PCSK5: variants seen among roughly 807,000 people sequenced by gnomAD.
The protein encoded by PCSK5 is prohormone convertase 5.
In PCSK5, 129 loss-of-function variants were observed where a neutral mutation model predicts 233.2. That is an observed-to-expected ratio of 0.55 (90% CI 0.48 to 0.64). The LOEUF (loss-of-function observed/expected upper bound fraction) is 0.64. Among genes scored for constraint, PCSK5 ranks in the 30% least tolerant of loss-of-function variants. The pLI, the probability that PCSK5 is intolerant of heterozygous loss-of-function variation, is 0.00. For missense variants in PCSK5, 2,076 were observed against 2,430.1 expected, an observed-to-expected ratio of 0.85 and a Z score of 3.06; for synonymous variants, 825 against 879.2, an observed-to-expected ratio of 0.94 and a Z score of 1.09.
intron 20 of PCSK5, among the ~76,000 whole-genome samples, chr9:76,215,988 C>G (rs900808697): frequency 2.6e-5 from 4 of 151,884 alleles, no homozygotes; most frequent in African/African-American, 7.3e-5. Flanking sequence ...AGTCAGACTC[C>G]AAGGGGGAGA....
intron 32 of PCSK5, among the ~76,000 whole-genome samples, chr9:76,323,857 C>T (rs1404559653): frequency 6.6e-6 from 1 of 151,598 alleles, no homozygotes; most frequent in African/African-American, 2.4e-5. Flanking sequence ...CTACCTGAGA[C>T]TTTTCTTGAT....
At chr9:76,231,337 G>T (rs1005762834) in intron 21 of PCSK5, among the ~76,000 whole-genome samples, 1 of 152,030 alleles carries the variant, frequency 6.6e-6, no homozygotes, top group African/African-American at 2.4e-5. Flanking sequence ...CCCACGACTC[G>T]GATCATGAGA....
intron 3 of PCSK5, among the ~76,000 whole-genome samples, chr9:76,006,021 C>T (rs1240599448): frequency 7.0e-6 from 1 of 143,050 alleles, no homozygotes; most frequent in Non-Finnish European, 1.5e-5. Context: ...CCACCACGCC[C>T]TTTTTTTTTT....
At chr9:75,980,385 A>G (rs1826222672) in intron 2 of PCSK5, among the ~76,000 whole-genome samples, 1 of 152,172 alleles carries the variant, frequency 6.6e-6, no homozygotes, top group South Asian at 2.1e-4. Context: ...TGCAGTGTTT[A>G]TTTCACAACT....
intron 10 of PCSK5, among the ~76,000 whole-genome samples, chr9:76,139,346 AAAT>A (rs1823106833): frequency 6.6e-6 from 1 of 152,148 alleles, no homozygotes; most frequent in Non-Finnish European, 1.5e-5. Context: ...TTCACTGTAC[AAAT>A]AATATTCCAT....
chr9:75,991,109 A>G (rs961601505), intron 3 of PCSK5, among the ~76,000 whole-genome samples: 13 of 152,202 alleles, frequency 8.5e-5, no homozygotes, highest in African/African-American at 2.9e-4. Flanking sequence ...AGATGAGGAA[A>G]TGAAAGCAAA....
intron 23 of PCSK5, among the ~76,000 whole-genome samples, chr9:76,239,895 C>T (rs759981096): frequency 2.6e-5 from 4 of 152,068 alleles, no homozygotes; most frequent in Non-Finnish European, 5.9e-5. Context: ...GCCTTGGTGT[C>T]TTCATCTGTC....
At chr9:75,999,188 C>T (rs1054864462) in intron 3 of PCSK5, among the ~76,000 whole-genome samples, 17 of 152,128 alleles carry the variant, frequency 1.1e-4, no homozygotes, top group African/African-American at 4.1e-4. Context: ...TTAGGTGTTT[C>T]TCTTAATGCT....
intron 1 of PCSK5, among the ~76,000 whole-genome samples, chr9:75,897,768 G>A (rs1825873731): frequency 2.0e-5 from 3 of 152,112 alleles, no homozygotes; most frequent in Admixed American, 2.0e-4. Flanking sequence ...GATTACAGGT[G>A]TGAGCCACTG....
At chr9:76,197,520 C>T (rs181761724) in intron 20 of PCSK5, among the ~76,000 whole-genome samples, 5 of 152,154 alleles carry the variant, frequency 3.3e-5, no homozygotes, top group Admixed American at 6.6e-5. Flanking sequence ...AAATACATAA[C>T]ATCTTATCCC....
At chr9:76,251,504 C>T (rs1044478937) in intron 24 of PCSK5, among the ~76,000 whole-genome samples, 2 of 145,460 alleles carry the variant, frequency 1.4e-5, no homozygotes, top group Non-Finnish European at 3.0e-5. Context: ...ACGGAGCTTG[C>T]AGTGAGCCGA....
intron 7 of PCSK5, among the ~76,000 whole-genome samples, chr9:76,073,746 T>C (rs1830554559): frequency 6.6e-6 from 1 of 152,158 alleles, no homozygotes; most frequent in South Asian, 2.1e-4. Context: ...GAATGCCCCA[T>C]ATTCAATAGC....
chr9:75,933,354 G>T (rs1823896710), intron 2 of PCSK5, among the ~76,000 whole-genome samples: 1 of 152,072 alleles, frequency 6.6e-6, no homozygotes, highest in African/African-American at 2.4e-5. Flanking sequence ...TTCCTCTGTG[G>T]GCTCCCTGTG....
intron 27 of PCSK5, among the ~76,000 whole-genome samples, chr9:76,299,495 C>T (rs1193079990): frequency 6.6e-6 from 1 of 152,012 alleles, no homozygotes; most frequent in African/African-American, 2.4e-5. Context: ...ATGGTGAAAC[C>T]TCATCTCTAC....
chr9:76,040,854 A>G (rs186970197), intron 5 of PCSK5, among the ~76,000 whole-genome samples: 8 of 152,356 alleles, frequency 5.3e-5, no homozygotes, highest in Admixed American at 1.3e-4. Flanking sequence ...TACCTAGTAG[A>G]AACATAGCAG....
At chr9:76,177,261 T>C (rs978078727) in intron 14 of PCSK5, among the ~76,000 whole-genome samples, 9 of 151,534 alleles carry the variant, frequency 5.9e-5, no homozygotes, top group African/African-American at 2.2e-4. Context: ...GCCACTTCAC[T>C]CCAGCCTGGG....
At chr9:76,099,037 C>T (rs1335811272) in intron 8 of PCSK5, among the ~76,000 whole-genome samples, 1 of 152,180 alleles carries the variant, frequency 6.6e-6, no homozygotes. Flanking sequence ...TACTTTTCCC[C>T]AATTTTTGCT....
rs895427897 is a variant in PCSK5 at position 76,338,296 on chromosome 9, C to T, written c.4815C>T (p.Gly1605=). The change falls in exon 35 of 38, where the codon GGC becomes GGT. Residue 1605 remains glycine (G), a synonymous_variant. Transcript: ENST00000674117. ...RCNRSCKGCQ[G]PRPTDCLSCD... ...ACAGGAGCTGCAAGGGGTGCCAGGG[C>T]CCACGGCCCACAGACTGCCTGTCTT... 6.2e-7 allele frequency: 1 copy of T among 1,612,532 alleles called. No individual in the cohort carries two copies. Among genetic ancestry groups the T allele is most frequent in the African/African-American group, 1.3e-5 (1 of 75,036 alleles).
At chr9:75,996,553 GTCAAA>G (rs966536752) in intron 3 of PCSK5, among the ~76,000 whole-genome samples, 1 of 152,172 alleles carries the variant, frequency 6.6e-6, no homozygotes, top group Non-Finnish European at 1.5e-5. Context: ...TATTAAGAAT[GTCAAA>G]TTAACCTGTA....
Sources: gnomAD v4.1 joint callset for allele counts (sites outside exome capture counted in the v4.1 genomes callset) on GRCh38, gnomAD v4.1.1 for gene constraint, MANE v1.5 for transcripts, NCBI Gene and HGNC (gene_info 2026-07-23, HGNC 2026-07-21) for gene names.